The following ADAMTSL3 variants were observed in gnomAD, a reference collection of about 807,000 sequenced individuals.
The protein encoded by ADAMTSL3 is ADAMTS-like protein 3.
A neutral mutation model predicts 201.7 loss-of-function variants in ADAMTSL3; 128 were observed. The observed-to-expected ratio is 0.63, with a 90% confidence interval of 0.55 to 0.73. The LOEUF (loss-of-function observed/expected upper bound fraction) is 0.73, where lower values mean the gene tolerates loss of function less well. Ranked by LOEUF, ADAMTSL3 falls within the 30% of genes least tolerant of loss-of-function variation. The pLI is 0.00. For synonymous variants in ADAMTSL3, 738 were observed against 748.4 expected, an observed-to-expected ratio of 0.99 and a Z score of 0.23; for missense variants, 1,990 against 2,119.6, an observed-to-expected ratio of 0.94 and a Z score of 1.20.
At chr15:83,726,373 G>A (rs2062175249) in intron 3 of ADAMTSL3, among the ~76,000 whole-genome samples, 1 of 151,884 alleles carries the variant, frequency 6.6e-6, no homozygotes, top group Admixed American at 6.6e-5. Context: ...TTTCCAATTT[G>A]GATGCCGTTT....
At chr15:84,023,358 A>G (rs1023494649) in intron 26 of ADAMTSL3, among the ~76,000 whole-genome samples, 1 of 152,254 alleles carries the variant, frequency 6.6e-6, no homozygotes, top group African/African-American at 2.4e-5. Context: ...TTAATGTTAT[A>G]TAGCTCACTG....
At chr15:83,974,996 G>C (rs1328982033) in intron 20 of ADAMTSL3, among the ~76,000 whole-genome samples, 1 of 137,026 alleles carries the variant, frequency 7.3e-6, no homozygotes, top group Non-Finnish European at 1.5e-5. Context: ...CACAGCCTGC[G>C]TCTTTTTTTT....
intron 19 of ADAMTSL3, among the ~76,000 whole-genome samples, chr15:83,944,091 C>A (rs768106237): frequency 6.6e-6 from 1 of 152,100 alleles, no homozygotes; most frequent in Non-Finnish European, 1.5e-5. Flanking sequence ...CTACTCAGAA[C>A]GTCATGCAAA....
At chr15:84,033,855 AAGAGT>A (rs1306037070) in intron 28 of ADAMTSL3, among the ~76,000 whole-genome samples, 1 of 152,202 alleles carries the variant, frequency 6.6e-6, no homozygotes, top group African/African-American at 2.4e-5. Flanking sequence ...ACGGAAGATA[AAGAGT>A]ATAGAAGGAT....
chr15:83,802,293 A>T (rs1432139986), intron 4 of ADAMTSL3, among the ~76,000 whole-genome samples: 1 of 152,176 alleles, frequency 6.6e-6, no homozygotes, highest in Non-Finnish European at 1.5e-5. Flanking sequence ...ATGAAAACCT[A>T]AAGATGTTTA....
intron 15 of ADAMTSL3, among the ~76,000 whole-genome samples, chr15:83,903,005 CT>C (rs2065756190): frequency 1.3e-5 from 2 of 152,246 alleles, no homozygotes; most frequent in East Asian, 3.9e-4. Context: ...CCACTACCCC[CT>C]GATCATTTTT....
chr15:83,945,449 C>T (rs1203315156), intron 19 of ADAMTSL3, among the ~76,000 whole-genome samples: 4 of 152,126 alleles, frequency 2.6e-5, no homozygotes, highest in Admixed American at 6.5e-5. Context: ...GAACAATAGA[C>T]GGCCCAAGGG....
chr15:83,770,470 T>C (rs916976648), intron 3 of ADAMTSL3, among the ~76,000 whole-genome samples: 1 of 152,238 alleles, frequency 6.6e-6, no homozygotes, highest in Non-Finnish European at 1.5e-5. Context: ...GTTCTTTTAC[T>C]GGTACATTTT....
In ADAMTSL3 at chr15:83,883,139, TTTCTATTTTATTTTATTTTA is replaced by T. The variant is rs758425969; in HGVS notation, c.961-1959_961-1940del. Among the ~76,000 whole-genome samples the T allele has an allele frequency of 1.1e-3, 166 of 150,056 alleles. 1 individual carries two copies. In the East Asian group the frequency reaches 0.021, roughly 19 times the overall value. ...ATATGAAATATCTTTTATAATACTA[TTTCTATTTTATTTTATTTTA>T]TTTTATTTTATTTTATTTTATTTTA... On this transcript the variant is annotated intron_variant, in intron 9 of 29. Transcript: ENST00000286744.
intron 3 of ADAMTSL3, among the ~76,000 whole-genome samples, chr15:83,711,733 A>G (rs1596069598): frequency 6.6e-6 from 1 of 152,362 alleles, no homozygotes; most frequent in Admixed American, 6.5e-5. Context: ...ACTGTGTCAC[A>G]CATGAACTCT....
Position 83,733,189 on chromosome 15 carries a change from A to G in ADAMTSL3, c.189+28681A>G, listed in dbSNP as rs150213940. Among the ~76,000 whole-genome samples the G allele has an allele frequency of 3.4e-3, 516 of 152,308 alleles. 2 individuals carry two copies. The highest frequency in any genetic ancestry group is 0.012 in the African/African-American group (479 of 41,578). ...AAAAATGAACTGAATCATCCATTCA[A>G]TCAAGACAAGTTGAACACCTACTAT... On this transcript the variant is annotated intron_variant, in intron 3 of 29. Transcript: ENST00000286744.
intron 5 of ADAMTSL3, among the ~76,000 whole-genome samples, chr15:83,807,643 C>T (rs1183377745): frequency 6.6e-6 from 1 of 152,064 alleles, no homozygotes; most frequent in Non-Finnish European, 1.5e-5. Flanking sequence ...TGTATAGAAT[C>T]ACAAAAAGAC....
In ADAMTSL3 at chr15:83,996,508, G is replaced by A. The variant is rs575224998; in HGVS notation, c.3973+5294G>A. On this transcript the variant is annotated intron_variant, in intron 23 of 29. Coordinates refer to ENST00000286744, the MANE Select transcript of ADAMTSL3 (RefSeq NM_207517.3). Reference sequence around the variant, plus strand: ...CAATATAAAAATGAGCAGTCCGGGCGCGGTGGCTCATGCCTGTAATCCCAG... The same window carrying A: ...CAATATAAAAATGAGCAGTCCGGGCACGGTGGCTCATGCCTGTAATCCCAG... Among the ~76,000 whole-genome samples, 20 of 152,154 alleles carry A rather than the reference G, an allele frequency of 1.3e-4. 1 individual carries two copies. Among genetic ancestry groups the A allele is most frequent in the Admixed American group, 2.6e-4 (4 of 15,292 alleles).
At chr15:83,877,195 C>T (rs1371015831) in intron 9 of ADAMTSL3, among the ~76,000 whole-genome samples, 1 of 152,220 alleles carries the variant, frequency 6.6e-6, no homozygotes, top group Non-Finnish European at 1.5e-5. Flanking sequence ...CCACCTTGGT[C>T]TCCCAAAGTC....
rs1265040643 is a variant in ADAMTSL3 at position 83,743,668 on chromosome 15, G to A, written c.190-29855G>A. 2.0e-5 allele frequency among the ~76,000 whole-genome samples: 3 copies of A among 152,262 alleles called. No individual in the cohort carries two copies. The East Asian group carries it at 5.8e-4, about 29-fold the overall frequency. On this transcript the variant is annotated intron_variant, in intron 3 of 29. Transcript: ENST00000286744. ...CTCTGTCAGCCGTGGCTGGGGAGGG[G>A]AGGCAAGTAGCCACAGGGTAGAAGA...
intron 3 of ADAMTSL3, among the ~76,000 whole-genome samples, chr15:83,716,685 A>T (rs1182973265): frequency 6.6e-6 from 1 of 151,856 alleles, no homozygotes; most frequent in Non-Finnish European, 1.5e-5. Flanking sequence ...AACTATGAGG[A>T]AGTAATAGTC....
chr15:83,798,233 C>A (rs1241495618), intron 4 of ADAMTSL3, among the ~76,000 whole-genome samples: 1 of 152,174 alleles, frequency 6.6e-6, no homozygotes, highest in East Asian at 1.9e-4. Context: ...TATTTCTACA[C>A]AAACCTTAGC....
At chr15:83,878,458 C>A (rs1419056162) in intron 9 of ADAMTSL3, among the ~76,000 whole-genome samples, 3 of 151,930 alleles carry the variant, frequency 2.0e-5, no homozygotes, top group East Asian at 3.9e-4. Context: ...TACTAAAATA[C>A]AAAAAATTAG....
chr15:83,999,329 A>G (rs909400472), intron 23 of ADAMTSL3, among the ~76,000 whole-genome samples: 6 of 152,232 alleles, frequency 3.9e-5, no homozygotes, highest in Non-Finnish European at 5.9e-5. Flanking sequence ...CTTCTTATGC[A>G]TATAACTTTT....
Sources: gnomAD v4.1 joint callset for allele counts (sites outside exome capture counted in the v4.1 genomes callset) on GRCh38, gnomAD v4.1.1 for gene constraint, MANE v1.5 for transcripts, NCBI Gene and HGNC (gene_info 2026-07-23, HGNC 2026-07-21) for gene names.